Variants in CXCL13 observed in about 807,000 individuals in gnomAD.
CXCL13 encodes C-X-C motif chemokine 13.
In CXCL13, 7 loss-of-function variants were observed where a neutral mutation model predicts 12.2. That is an observed-to-expected ratio of 0.57 (90% confidence interval 0.33 to 1.07). The LOEUF is 1.07. Ranked by LOEUF, CXCL13 falls within the 50% of genes least tolerant of loss-of-function variation. The probability of loss-of-function intolerance (pLI) is 0.04; values close to 1 mark genes in which losing one functional copy is unlikely to be tolerated. For synonymous variants in CXCL13, 47 were observed against 42.4 expected (o/e 1.11, Z -0.42); for missense variants, 113 against 127.4 (o/e 0.89, Z 0.55).
chr4:77,546,693 C>A (rs181053072), intron 1 of CXCL13, among the ~76,000 whole-genome samples: 3 of 152,148 alleles, frequency 2.0e-5, no homozygotes. Context: ...AAAACCAGCT[C>A]CTGGATTCAT....
At chr4:77,599,350 T>G (rs931413120) in intron 1 of CXCL13, among the ~76,000 whole-genome samples, 1 of 152,188 alleles carries the variant, frequency 6.6e-6, no homozygotes, top group Non-Finnish European at 1.5e-5. Context: ...ATCTCTAGAT[T>G]ACTTATAATA....
chr4:77,546,307 A>C (rs1040035722), intron 1 of CXCL13, among the ~76,000 whole-genome samples: 1 of 152,306 alleles, frequency 6.6e-6, no homozygotes, highest in Admixed American at 6.5e-5. Flanking sequence ...TGATTGGAAT[A>C]GTTTCAGAAG....
intron 1 of CXCL13, among the ~76,000 whole-genome samples, chr4:77,556,281 AGACT>A (rs1242883513): frequency 6.6e-6 from 1 of 152,256 alleles, no homozygotes; most frequent in Admixed American, 6.5e-5. Context: ...AAAAGACAAC[AGACT>A]ATTGATATAC....
intron 1 of CXCL13, among the ~76,000 whole-genome samples, chr4:77,514,282 T>C (rs1724352188): frequency 6.6e-6 from 1 of 151,774 alleles, no homozygotes; most frequent in Admixed American, 6.6e-5. Flanking sequence ...GCATGTGTCT[T>C]TATAGCAGCA....
At chr4:77,529,158 A>G (rs1348902092) in intron 1 of CXCL13, among the ~76,000 whole-genome samples, 2 of 152,152 alleles carry the variant, frequency 1.3e-5, no homozygotes, top group African/African-American at 4.8e-5. Context: ...TGGTAATAGT[A>G]CCATGCTGTT....
At chr4:77,561,006 G>A (rs1158077581) in intron 1 of CXCL13, among the ~76,000 whole-genome samples, 1 of 152,176 alleles carries the variant, frequency 6.6e-6, no homozygotes, top group South Asian at 2.1e-4. Context: ...AAGTTTATTA[G>A]TGATGATTAA....
chr4:77,566,546 A>T (rs776271179), intron 1 of CXCL13, among the ~76,000 whole-genome samples: 3 of 151,672 alleles, frequency 2.0e-5, no homozygotes, highest in Non-Finnish European at 2.9e-5. Context: ...AAACTTTACC[A>T]TCAAACCTGT....
chr4:77,549,962 G>A (rs1038375009), intron 1 of CXCL13, among the ~76,000 whole-genome samples: 1 of 152,324 alleles, frequency 6.6e-6, no homozygotes, highest in East Asian at 1.9e-4. Flanking sequence ...GTCTACAGAG[G>A]CAGGCAGACC....
chr4:77,527,002 G>T (rs1156741384), intron 1 of CXCL13, among the ~76,000 whole-genome samples: 3 of 152,136 alleles, frequency 2.0e-5, no homozygotes, highest in African/African-American at 4.8e-5. Context: ...GAAAATCAGG[G>T]ACTAGAACTT....
At chr4:77,583,874 CTTTG>C (rs1308354146) in intron 1 of CXCL13, among the ~76,000 whole-genome samples, 2 of 152,208 alleles carry the variant, frequency 1.3e-5, no homozygotes, top group South Asian at 2.1e-4. Flanking sequence ...GCTTTGTTTT[CTTTG>C]TTTGTTTTGT....
chr4:77,539,866 G>T (rs547091712), intron 1 of CXCL13, among the ~76,000 whole-genome samples: 1 of 151,984 alleles, frequency 6.6e-6, no homozygotes, highest in Non-Finnish European at 1.5e-5. Flanking sequence ...GGTGGGGGTA[G>T]GGGGGGAATC....
Position 77,611,446 on chromosome 4 carries a change from A to T in CXCL13, c.*407A>T, listed in dbSNP as rs1399241120. 12 of 387,420 alleles carry T rather than the reference A, an allele frequency of 3.1e-5. 1 individual carries two copies. Among genetic ancestry groups the T allele is most frequent in the Non-Finnish European group, 5.5e-5 (12 of 220,134 alleles). 24.0% of individuals were successfully genotyped at this position (387,420 alleles called of 1,614,324 possible). A position where few individuals can be genotyped will look rare whatever the true frequency, so the allele number is the denominator to read the frequency against. On this transcript the variant is annotated 3_prime_UTR_variant, in exon 4 of 4. Transcript: ENST00000682537. ...CATATATTAAAAGCAGGCTTCTATG[A>T]AAGACTCAAAAAGCTGCCTGGGAGG...
chr4:77,533,858 G>C (rs1724991141), intron 1 of CXCL13, among the ~76,000 whole-genome samples: 1 of 152,202 alleles, frequency 6.6e-6, no homozygotes, highest in Non-Finnish European at 1.5e-5. Flanking sequence ...ATCTCCTGGT[G>C]TGCCATTTGC....
Position 77,529,703 on chromosome 4 carries a change from G to C in CXCL13, c.-43+17915G>C, listed in dbSNP as rs561650270. On this transcript the variant is annotated intron_variant, in intron 1 of 4. Transcript: ENST00000286758. ...GCGACGATGGGGTTTTCTAGATATA[G>C]AATCATGTCATCTGCAAACAGGGAC... Among the ~76,000 whole-genome samples, 4 of 152,228 alleles carry C rather than the reference G, an allele frequency of 2.6e-5. No individual in the cohort carries two copies. In the East Asian group the frequency reaches 5.8e-4, roughly 22 times the overall value.
chr4:77,563,083 C>G (rs1040886482), intron 1 of CXCL13, among the ~76,000 whole-genome samples: 1 of 152,168 alleles, frequency 6.6e-6, no homozygotes. Context: ...CCACGAAGGT[C>G]TGTAGCTTCA....
At chr4:77,518,371 A>C (rs1724482036) in intron 1 of CXCL13, among the ~76,000 whole-genome samples, 1 of 152,122 alleles carries the variant, frequency 6.6e-6, no homozygotes, top group South Asian at 2.1e-4. Context: ...GTTCTCCTGG[A>C]TAATATCCTG....
intron 1 of CXCL13, among the ~76,000 whole-genome samples, chr4:77,565,138 C>T (rs1725897405): frequency 6.6e-6 from 1 of 152,206 alleles, no homozygotes; most frequent in South Asian, 2.1e-4. Flanking sequence ...TCCTGCTTCA[C>T]TTGCACAGCT....
intron 1 of CXCL13, among the ~76,000 whole-genome samples, chr4:77,565,124 A>G (rs1169304217): frequency 3.9e-5 from 6 of 152,226 alleles, no homozygotes; most frequent in African/African-American, 4.8e-5. Flanking sequence ...GGAGGGGCTC[A>G]GGCTCCTGCT....
intron 1 of CXCL13, among the ~76,000 whole-genome samples, chr4:77,538,925 G>A (rs572891143): frequency 1.1e-4 from 16 of 152,170 alleles, no homozygotes; most frequent in Non-Finnish European, 2.1e-4. Context: ...AGGGGCATAA[G>A]GCAGAAAGAG....
Sources: gnomAD v4.1 joint callset for allele counts (sites outside exome capture counted in the v4.1 genomes callset) on GRCh38, gnomAD v4.1.1 for gene constraint, MANE v1.5 for transcripts, NCBI Gene and HGNC (gene_info 2026-07-23, HGNC 2026-07-21) for gene names.